FBXL7: variants seen among roughly 807,000 people sequenced by gnomAD.
The protein encoded by FBXL7 is F-box/LRR-repeat protein 7.
Under a neutral mutation model 38.3 loss-of-function variants are expected in FBXL7, and 12 were observed. The ratio of observed to expected loss-of-function variants is 0.31; its 90% CI spans 0.20 to 0.51. The LOEUF (loss-of-function observed/expected upper bound fraction) is 0.51. Ranked by LOEUF, FBXL7 falls within the 20% of genes least tolerant of loss-of-function variation. The pLI is 0.98. For synonymous variants in FBXL7, 297 were observed against 300.9 expected (o/e 0.99, Z 0.13); for missense variants, 567 against 676.4 (o/e 0.84, Z 1.79).
chr5:15,915,319 G>A (rs1741555139), intron 2 of FBXL7, among the ~76,000 whole-genome samples: 1 of 152,178 alleles, frequency 6.6e-6, no homozygotes, highest in Non-Finnish European at 1.5e-5. Flanking sequence ...TCTAGAGGTT[G>A]GAATTCCCAA....
intron 2 of FBXL7, among the ~76,000 whole-genome samples, chr5:15,880,363 G>A (rs1740393585): frequency 6.6e-6 from 1 of 152,202 alleles, no homozygotes; most frequent in South Asian, 2.1e-4. Flanking sequence ...CACCTCAGGA[G>A]GAGGGGAGTC....
chr5:15,930,214 G>T (rs75162366), intron 3 of FBXL7, among the ~76,000 whole-genome samples: 2 of 152,252 alleles, frequency 1.3e-5, no homozygotes, highest in South Asian at 4.1e-4. Flanking sequence ...TTCCTCCAAG[G>T]AATTCTGGAA....
Position 15,732,104 on chromosome 5 carries a change from C to T in FBXL7, c.127+116032C>T, listed in dbSNP as rs115029177. On this transcript the variant is annotated intron_variant, in intron 2 of 3. Transcript: ENST00000504595. ...TTTTCCATACTTTTATATGTTTTTC[C>T]CCAGACACGGTATAAAATTTAGTAT... Among the ~76,000 whole-genome samples the T allele has an allele frequency of 8.5e-3, 1,295 of 152,162 alleles. 7 individuals are homozygous for T. The highest frequency in any genetic ancestry group is 0.014 in the Non-Finnish European group (978 of 67,986).
intron 2 of FBXL7, among the ~76,000 whole-genome samples, chr5:15,819,365 G>A (rs181250252): frequency 1.2e-4 from 19 of 152,092 alleles, no homozygotes; most frequent in African/African-American, 4.1e-4. Flanking sequence ...AAAAAAAAAT[G>A]TGATCAGTCA....
intron 2 of FBXL7, among the ~76,000 whole-genome samples, chr5:15,803,794 C>T (rs1737634001): frequency 6.6e-6 from 1 of 152,174 alleles, no homozygotes; most frequent in Non-Finnish European, 1.5e-5. Context: ...CACAAACTTG[C>T]CCCTTTACCA....
rs1286509167 is a variant in FBXL7, at chr5:15,859,315, C to T, written c.128-68575C>T. ...CCAGTTGAGATAAGCATCAGAGATC[C>T]TCAACCTAGGGTGATTTTGCCCCAC... On this transcript the variant is annotated intron_variant, in intron 2 of 3. Coordinates refer to ENST00000504595, the MANE Select transcript of FBXL7 (RefSeq NM_012304.5). Among the ~76,000 whole-genome samples, 3 of 152,140 alleles carry T rather than the reference C, an allele frequency of 2.0e-5. No homozygotes were observed. The East Asian group carries it at 5.8e-4, about 29-fold the overall frequency.
intron 2 of FBXL7, among the ~76,000 whole-genome samples, chr5:15,819,927 G>A (rs2126762901): frequency 6.6e-6 from 1 of 152,296 alleles, no homozygotes; most frequent in Middle Eastern, 3.4e-3. Flanking sequence ...CAGAAACTAT[G>A]GCCTGCAGCA....
intron 2 of FBXL7, among the ~76,000 whole-genome samples, chr5:15,778,112 A>G (rs554403864): frequency 6.6e-6 from 1 of 152,204 alleles, no homozygotes; most frequent in Admixed American, 6.6e-5. Flanking sequence ...CATTAATGGG[A>G]AGACATCATG....
intron 2 of FBXL7, among the ~76,000 whole-genome samples, chr5:15,644,334 G>T (rs1420547859): frequency 6.7e-6 from 1 of 150,046 alleles, no homozygotes; most frequent in Non-Finnish European, 1.5e-5. Context: ...AAAAGGCCAG[G>T]CGTGGTAGTG....
chr5:15,578,293 G>C (rs1739032063), intron 1 of FBXL7, among the ~76,000 whole-genome samples: 1 of 152,064 alleles, frequency 6.6e-6, no homozygotes, highest in Non-Finnish European at 1.5e-5. Context: ...TGTATTTCTT[G>C]AGATGAGACA....
chr5:15,562,142 TG>T (rs1426714163), intron 1 of FBXL7, among the ~76,000 whole-genome samples: 1 of 152,118 alleles, frequency 6.6e-6, no homozygotes, highest in Non-Finnish European at 1.5e-5. Context: ...AGACTTAAGA[TG>T]TGAAAATGTA....
intron 1 of FBXL7, among the ~76,000 whole-genome samples, chr5:15,575,421 A>G (rs1273570498): frequency 6.6e-6 from 1 of 152,176 alleles, no homozygotes; most frequent in Admixed American, 6.5e-5. Flanking sequence ...AAATCACACA[A>G]ACAAGAGTGT....
chr5:15,783,477 G>A (rs932682226), intron 2 of FBXL7, among the ~76,000 whole-genome samples: 1 of 152,162 alleles, frequency 6.6e-6, no homozygotes, highest in Admixed American at 6.5e-5. Context: ...CCATGAATGA[G>A]ATAACCAACA....
At chr5:15,580,112 A>C (rs1739088163) in intron 1 of FBXL7, among the ~76,000 whole-genome samples, 2 of 152,070 alleles carry the variant, frequency 1.3e-5, no homozygotes, top group South Asian at 4.2e-4. Flanking sequence ...AAAAAAGTTC[A>C]TGCGAGTGTA....
At chr5:15,878,492 G>A (rs1579559289) in intron 2 of FBXL7, among the ~76,000 whole-genome samples, 2 of 152,146 alleles carry the variant, frequency 1.3e-5, no homozygotes, top group East Asian at 3.9e-4. Context: ...TAGCCCAGGA[G>A]AAAGAGCCTG....
chr5:15,860,794 T>C (rs2126806861), intron 2 of FBXL7, among the ~76,000 whole-genome samples: 1 of 152,252 alleles, frequency 6.6e-6, no homozygotes, highest in East Asian at 1.9e-4. Flanking sequence ...GCCGAAATAA[T>C]CATAGAGTAT....
intron 3 of FBXL7, among the ~76,000 whole-genome samples, chr5:15,934,269 T>G (rs1742119176): frequency 6.6e-6 from 1 of 152,196 alleles, no homozygotes; most frequent in Non-Finnish European, 1.5e-5. Context: ...CCTCCCAAAG[T>G]GCTGGGATTG....
chr5:15,793,254 A>T (rs1345605375), intron 2 of FBXL7, among the ~76,000 whole-genome samples: 1 of 152,180 alleles, frequency 6.6e-6, no homozygotes, highest in Non-Finnish European at 1.5e-5. Flanking sequence ...TTATTCTTTC[A>T]TGGTTCTGGA....
At chr5:15,791,892 C>T (rs969981823) in intron 2 of FBXL7, among the ~76,000 whole-genome samples, 2 of 152,086 alleles carry the variant, frequency 1.3e-5, no homozygotes, top group East Asian at 3.9e-4. Context: ...CTGCTGGGCT[C>T]CAAACAGGGT....
Sources: allele counts gnomAD v4.1 joint callset (sites outside exome capture counted in the v4.1 genomes callset), GRCh38; gene constraint gnomAD v4.1.1; transcripts MANE v1.5; gene names NCBI Gene and HGNC (gene_info 2026-07-23, HGNC 2026-07-21).